The following VTCN1 variants were observed in gnomAD, a reference collection of about 807,000 sequenced individuals.
VTCN1 encodes the protein V-set domain containing T cell activation inhibitor 1.
Under a neutral mutation model 26.5 loss-of-function variants are expected in VTCN1, and 26 were observed. The ratio of observed to expected loss-of-function variants is 0.98; its 90% CI spans 0.72 to 1.36. The LOEUF (loss-of-function observed/expected upper bound fraction) is 1.36. Ranked by LOEUF, VTCN1 falls within the 40% of genes most tolerant of loss-of-function variation. The pLI is 0.00. For synonymous variants in VTCN1, 116 were observed against 130.7 expected (o/e 0.89, Z 0.77); for missense variants, 298 against 337.7 (o/e 0.88, Z 0.92).
rs147263365 is a variant in VTCN1 at position 117,153,162 on chromosome 1, G to A, written c.653C>T (p.Thr218Met). 56 of 1,614,058 alleles carry A rather than the reference G, an allele frequency of 3.5e-5. No individual in the cohort carries two copies. The highest frequency in any genetic ancestry group is 2.3e-4 in the African/African-American group (17 of 75,024). ...MKVVSVLYNV[T>M]INNTYSCMIE... is the part of the protein sequence containing the mutation. ...CATACAGGAGTATGTGTTGTTGATC[G>A]TAACATTGTAGAGCACAGACACAAC... Residue 218 changes from threonine to methionine, a missense_variant, in exon 4 of 6, where the codon ACG becomes ATG. Physicochemically the swap from Thr to Met is moderately conservative, Grantham distance 81 (BLOSUM62 -1). Coordinates refer to ENST00000369458, the MANE Select transcript of VTCN1 (RefSeq NM_024626.4).
In VTCN1 at chr1:117,148,741, A is replaced by G. The variant is rs908971156; in HGVS notation, c.725-959T>C. The stretch of plus-strand genomic sequence containing the variant: ...TGAACCAATTAAAGAGAAGGACAAA[A>G]AAATAAGGCAACTGGAAGATCAAAA... On this transcript the variant is annotated intron_variant, in intron 4 of 5. Transcript: ENST00000369458. Among the ~76,000 whole-genome samples, 5 of 152,254 alleles carry G rather than the reference A, an allele frequency of 3.3e-5. 1 individual carries two copies. Among genetic ancestry groups the G allele is most frequent in the African/African-American group, 1.2e-4 (5 of 41,470 alleles).
Position 117,161,899 on chromosome 1 carries a change from C to T in VTCN1, c.98-4978G>A, listed in dbSNP as rs1652385818. On this transcript the variant is annotated intron_variant, in intron 2 of 5. Coordinates refer to ENST00000369458, the MANE Select transcript of VTCN1 (RefSeq NM_024626.4). The surrounding 1 kb of genome is among the most constrained non-coding windows in gnomAD (Gnocchi z 4.3). ...GAAAGATTACTTCTCAGAAAAAATACATGATTAGCACAGTTTATGGAGAGA... is the reference window on the plus strand; with the variant it reads ...GAAAGATTACTTCTCAGAAAAAATATATGATTAGCACAGTTTATGGAGAGA... Among the ~76,000 whole-genome samples the T allele has an allele frequency of 6.6e-6, 1 of 152,156 alleles. No individual in the cohort carries two copies. The highest frequency in any genetic ancestry group is 6.5e-5 in the Admixed American group (1 of 15,278).
At chr1:117,158,127 G>A (rs2101473494) in intron 2 of VTCN1, among the ~76,000 whole-genome samples, 1 of 152,354 alleles carries the variant, frequency 6.6e-6, no homozygotes, top group South Asian at 2.1e-4. Context: ...CAGAAGAACA[G>A]TGCAAGCTGT....
At chr1:117,149,926 A>G (rs1651706117) in intron 4 of VTCN1, among the ~76,000 whole-genome samples, 1 of 152,350 alleles carries the variant, frequency 6.6e-6, no homozygotes, top group Non-Finnish European at 1.5e-5. Context: ...TGACACTTCG[A>G]ACACTTGTTT....
intron 1 of VTCN1, among the ~76,000 whole-genome samples, chr1:117,172,014 G>A (rs955143755): frequency 6.6e-6 from 1 of 152,164 alleles, no homozygotes; most frequent in Non-Finnish European, 1.5e-5. Context: ...TGGTTCCTGG[G>A]AAGCTCGCCC....
intron 1 of VTCN1, among the ~76,000 whole-genome samples, chr1:117,180,621 TTGTC>T (rs1312601939): frequency 6.6e-6 from 1 of 152,240 alleles, no homozygotes; most frequent in Non-Finnish European, 1.5e-5. Context: ...AACAGCCTAA[TTGTC>T]TGTCTTCCAA....
At chr1:117,191,674 C>T (rs763450151) in intron 1 of VTCN1, among the ~76,000 whole-genome samples, 8 of 152,154 alleles carry the variant, frequency 5.3e-5, no homozygotes, top group Middle Eastern at 3.4e-3. Context: ...CCCAGCTACT[C>T]GGGAGGCTGA....
At chr1:117,166,789 T>A (rs1228014701) in intron 2 of VTCN1, among the ~76,000 whole-genome samples, 2 of 151,766 alleles carry the variant, frequency 1.3e-5, no homozygotes, top group Non-Finnish European at 2.9e-5. Flanking sequence ...TTTTATTTCC[T>A]TATAAAGAAT....
intron 4 of VTCN1, among the ~76,000 whole-genome samples, chr1:117,149,464 C>T (rs1183087328): frequency 6.6e-6 from 1 of 151,992 alleles, no homozygotes; most frequent in Non-Finnish European, 1.5e-5. Context: ...TCCCATTGCC[C>T]CTGCTCCAGT....
chr1:117,150,083 A>C (rs1431807657), intron 4 of VTCN1, among the ~76,000 whole-genome samples: 8 of 152,192 alleles, frequency 5.3e-5, no homozygotes, highest in Non-Finnish European at 1.0e-4. Context: ...AACTGGACTG[A>C]GATACTGTTG....
At position 117,144,120 on chromosome 1, in the gene VTCN1, G is replaced by A. The variant is rs1016748426; in HGVS notation, c.*1151C>T. 1 of 152,218 alleles carries A rather than the reference G, an allele frequency of 6.6e-6. No individual in the cohort carries two copies. Among genetic ancestry groups the A allele is most frequent in the Non-Finnish European group, 1.5e-5 (1 of 68,060 alleles). The allele number at this position is 152,218 out of a possible 1,614,324, so 9.4% of individuals were successfully genotyped here. A position where few individuals can be genotyped will look rare whatever the true frequency, so the allele number is the denominator to read the frequency against. On this transcript the variant is annotated 3_prime_UTR_variant, in exon 6 of 6. Transcript: ENST00000369458. ...AGCCAAAGAGACAGAATGCTTATTT[G>A]CCAATGACTAATGTGAGGAAGCAGA...
intron 1 of VTCN1, among the ~76,000 whole-genome samples, chr1:117,202,538 A>C (rs149776838): frequency 6.6e-6 from 1 of 152,268 alleles, no homozygotes; most frequent in Admixed American, 6.5e-5. Flanking sequence ...TGACCGGAAC[A>C]GTATCTTGGT....
chr1:117,160,301 C>A (rs1457951186), intron 2 of VTCN1, among the ~76,000 whole-genome samples: 1 of 152,198 alleles, frequency 6.6e-6, no homozygotes, highest in Non-Finnish European at 1.5e-5. Flanking sequence ...CTGCACAAGT[C>A]TCTCTTTCTT....
rs1647286178 is a variant in VTCN1 at position 117,175,499 on chromosome 1, T to G, written c.33-5328A>C. Among the ~76,000 whole-genome samples, 1 of 152,196 alleles carries G rather than the reference T, an allele frequency of 6.6e-6. No homozygotes were observed. Among genetic ancestry groups the G allele is most frequent in the African/African-American group, 2.4e-5 (1 of 41,456 alleles). ...TGCAGATGTTCATTCAAAAAAATTC[T>G]TTTTCATAAAATAAAAATAGAACTG... On this transcript the variant is annotated intron_variant, in intron 1 of 5. Coordinates refer to ENST00000369458, the MANE Select transcript of VTCN1 (RefSeq NM_024626.4). The surrounding 1 kb of genome is among the most constrained non-coding windows in gnomAD (Gnocchi z 4.2).
chr1:117,197,567 G>A (rs1193981459), intron 1 of VTCN1, among the ~76,000 whole-genome samples: 1 of 151,978 alleles, frequency 6.6e-6, no homozygotes, highest in African/African-American at 2.4e-5. Flanking sequence ...TTTACATAGG[G>A]CGTACACCAA....
At chr1:117,192,016 G>T (rs2358823) in intron 1 of VTCN1, among the ~76,000 whole-genome samples, 113,779 of 149,014 alleles carry the variant, frequency 0.76, 43,373 homozygotes, top group East Asian at 0.99. Flanking sequence ...GAGATATATA[G>T]ATATATATAT....
In VTCN1 at chr1:117,183,030, G is replaced by A. The variant is rs1263893134; in HGVS notation, c.33-12859C>T. 1.3e-5 allele frequency among the ~76,000 whole-genome samples: 2 copies of A among 152,142 alleles called. No homozygotes were observed. Among genetic ancestry groups the A allele is most frequent in the Admixed American group, 1.3e-4 (2 of 15,284 alleles). On this transcript the variant is annotated intron_variant, in intron 1 of 5. Transcript: ENST00000369458. The surrounding 1 kb of genome is among the most constrained non-coding windows in gnomAD (Gnocchi z 4.1). The stretch of plus-strand genomic sequence containing the variant: ...ACCATTTTTTAAAGAAAAAGAATAA[G>A]ATTAAAATATAAAGTATTGATTTAA...
chr1:117,175,221 C>T lies in VTCN1; in HGVS notation c.33-5050G>A, dbSNP rs772498136. 3.9e-5 allele frequency among the ~76,000 whole-genome samples: 6 copies of T among 152,152 alleles called. No individual in the cohort carries two copies. The highest frequency in any genetic ancestry group is 7.3e-5 in the Non-Finnish European group (5 of 68,036). ...AAAATAGGCTTAAAGGCAGAGCGCT[C>T]GAAACCTATGCGACTTTGTAATTAG... On this transcript the variant is annotated intron_variant, in intron 1 of 5. Transcript: ENST00000369458. The surrounding 1 kb of genome is among the most constrained non-coding windows in gnomAD (Gnocchi z 4.2).
At chr1:117,187,309 C>CAAAAAAA (rs11415949) in intron 1 of VTCN1, among the ~76,000 whole-genome samples, 1 of 73,252 alleles carries the variant, frequency 1.4e-5, no homozygotes. Context: ...GACCTTGTCT[C>CAAAAAAA]AAAAAAAAAA....
Sources: allele counts gnomAD v4.1 joint callset (sites outside exome capture counted in the v4.1 genomes callset), GRCh38; gene constraint gnomAD v4.1.1; non-coding constraint Gnocchi (gnomAD v3.1); transcripts MANE v1.5; gene names NCBI Gene and HGNC (gene_info 2026-07-23, HGNC 2026-07-21).